CNTN6: variants seen among roughly 807,000 people sequenced by gnomAD.
CNTN6 encodes the protein contactin 6.
A neutral mutation model predicts 122.8 loss-of-function variants in CNTN6; 137 were observed. The observed-to-expected ratio is 1.12, with a 90% CI of 0.97 to 1.29. The LOEUF is 1.29. Ranked by LOEUF, CNTN6 falls within the 50% of genes most tolerant of loss-of-function variation. CNTN6 has a pLI of 0.00. For missense variants in CNTN6, 1,634 were observed against 1,223.4 expected (o/e 1.34, Z -5.01); for synonymous variants, 570 against 426.0 (o/e 1.34, Z -4.16).
chr3:1,357,216 A>AT lies in CNTN6; in HGVS notation c.1492+4766dup, dbSNP rs557197466. The stretch of plus-strand genomic sequence containing the variant: ...TTGGTCAAAGTTTTGTTTAATTTTG[A>AT]TAAAAATAGGGGGTGTATAGCTAGT... On this transcript the variant is annotated intron_variant, in intron 12 of 22. Transcript: ENST00000446702. 1.5e-3 allele frequency among the ~76,000 whole-genome samples: 225 copies of AT among 151,970 alleles called. 1 individual carries two copies. Among genetic ancestry groups the AT allele is most frequent in the Admixed American group, 3.9e-3 (60 of 15,194 alleles).
At chr3:1,180,070 T>A (rs929083909) in intron 2 of CNTN6, among the ~76,000 whole-genome samples, 1 of 152,222 alleles carries the variant, frequency 6.6e-6, no homozygotes, top group Non-Finnish European at 1.5e-5. Flanking sequence ...CAATTCTTTT[T>A]TAATGCTGAG....
At chr3:1,369,715 C>T (rs1053052715) in intron 12 of CNTN6, among the ~76,000 whole-genome samples, 1 of 151,802 alleles carries the variant, frequency 6.6e-6, no homozygotes, top group Non-Finnish European at 1.5e-5. Flanking sequence ...TTTGCTCTGT[C>T]AACACATCCA....
At chr3:1,367,860 C>A (rs1034074414) in intron 12 of CNTN6, among the ~76,000 whole-genome samples, 8 of 152,140 alleles carry the variant, frequency 5.3e-5, no homozygotes, top group African/African-American at 1.9e-4. Flanking sequence ...CAGGAAGCGA[C>A]TTCAAAAGTA....
intron 1 of CNTN6, among the ~76,000 whole-genome samples, chr3:1,111,970 T>C (rs1168767376): frequency 2.0e-5 from 3 of 152,150 alleles, no homozygotes; most frequent in South Asian, 2.1e-4. Context: ...ATATAACTTC[T>C]TTGAGCCAAA....
rs1296522584 is a variant in CNTN6 at position 1,354,355 on chromosome 3, A to G, written c.1492+1904A>G. Among the ~76,000 whole-genome samples, 36 of 140,890 alleles carry G rather than the reference A, an allele frequency of 2.6e-4. 1 individual carries two copies. In the Middle Eastern group the frequency reaches 0.011, roughly 42 times the overall value. The allele number at this position is 140,890 out of a possible 152,430, so 92.4% of individuals were successfully genotyped here. ...ATAGGTAAAACAATAATTAATCAAGATAGCTCAGTTAACAAAAAAAAAAAA... is the reference window on the plus strand; with the variant it reads ...ATAGGTAAAACAATAATTAATCAAGGTAGCTCAGTTAACAAAAAAAAAAAA... On this transcript the variant is annotated intron_variant, in intron 12 of 22. Coordinates refer to ENST00000446702, the MANE Select transcript of CNTN6 (RefSeq NM_001289080.2).
chr3:1,277,241 A>G (rs1423827664), intron 4 of CNTN6, among the ~76,000 whole-genome samples: 3 of 151,848 alleles, frequency 2.0e-5, no homozygotes, highest in South Asian at 2.1e-4. Context: ...TGGTCTTCCC[A>G]TTAGATAGTA....
chr3:1,154,178 A>C (rs2092908838), intron 2 of CNTN6, among the ~76,000 whole-genome samples: 2 of 149,028 alleles, frequency 1.3e-5, no homozygotes, highest in Admixed American at 1.3e-4. Context: ...TAGGACTGAT[A>C]AGAATGTAGG....
intron 3 of CNTN6, among the ~76,000 whole-genome samples, chr3:1,226,016 C>A (rs900078614): frequency 6.6e-6 from 1 of 152,008 alleles, no homozygotes; most frequent in Non-Finnish European, 1.5e-5. Context: ...TTTGAAGACG[C>A]GCCCGAAGAA....
At chr3:1,287,056 C>A (rs1191779613) in intron 5 of CNTN6, among the ~76,000 whole-genome samples, 2 of 152,080 alleles carry the variant, frequency 1.3e-5, no homozygotes, top group African/African-American at 4.8e-5. Context: ...TACAGGAGCA[C>A]CCAGATTCAT....
intron 2 of CNTN6, among the ~76,000 whole-genome samples, chr3:1,190,574 G>T (rs2093687493): frequency 6.6e-6 from 1 of 152,156 alleles, no homozygotes. Flanking sequence ...TATAAAATGG[G>T]TGCCTTGCAG....
chr3:1,103,220 T>C (rs2091043651), intron 1 of CNTN6, among the ~76,000 whole-genome samples: 1 of 152,250 alleles, frequency 6.6e-6, no homozygotes, highest in East Asian at 1.9e-4. Flanking sequence ...TGAAGGTGTT[T>C]TCTAGGCATT....
At chr3:1,215,970 T>C (rs146572635) in intron 2 of CNTN6, among the ~76,000 whole-genome samples, 73 of 152,238 alleles carry the variant, frequency 4.8e-4, no homozygotes, top group African/African-American at 1.7e-3. Context: ...CTCTCTATCC[T>C]AAGATTTCTT....
intron 4 of CNTN6, among the ~76,000 whole-genome samples, chr3:1,256,466 A>G (rs1481076922): frequency 6.6e-6 from 1 of 152,170 alleles, no homozygotes; most frequent in East Asian, 1.9e-4. Context: ...TTGATGAGGA[A>G]GACTTGAAGA....
intron 4 of CNTN6, among the ~76,000 whole-genome samples, chr3:1,231,821 T>C (rs555278643): frequency 1.3e-5 from 2 of 152,206 alleles, no homozygotes; most frequent in South Asian, 4.1e-4. Context: ...AACTCTACCC[T>C]AAAACAAATT....
chr3:1,357,892 TATA>T (rs1172886677), intron 12 of CNTN6, among the ~76,000 whole-genome samples: 2 of 140,426 alleles, frequency 1.4e-5, no homozygotes, highest in Admixed American at 7.5e-5. Flanking sequence ...AAAATTTACA[TATA>T]ATAAAATACA....
rs903760243 is a variant in CNTN6, at chr3:1,278,303, A to G, written c.359-110A>G. On this transcript the variant is annotated intron_variant, in intron 4 of 22. Transcript: ENST00000446702. The stretch of plus-strand genomic sequence containing the variant: ...TGTCAACTAAGTCTTCTGGTCAGCA[A>G]AGTATGAGATTAATTCCCCTTAATA... The G allele has an allele frequency of 2.9e-5, 20 of 701,250 alleles. No homozygotes were observed. The African/African-American group carries it at 3.2e-4, about 11-fold the overall frequency. 43.4% of individuals were successfully genotyped at this position (701,250 alleles called of 1,614,324 possible).
chr3:1,381,078 T>G (rs1691801109), intron 17 of CNTN6, among the ~76,000 whole-genome samples: 1 of 152,300 alleles, frequency 6.6e-6, no homozygotes, highest in East Asian at 1.9e-4. Context: ...ACTCAGGTCT[T>G]TCTTGAGAGA....
chr3:1,173,740 C>T (rs1448355072), intron 2 of CNTN6, among the ~76,000 whole-genome samples: 4 of 151,398 alleles, frequency 2.6e-5, no homozygotes, highest in Non-Finnish European at 5.9e-5. Flanking sequence ...ACAAAACCAT[C>T]TCTGGAACTG....
chr3:1,219,113 T>TA (rs1001942238), intron 2 of CNTN6, among the ~76,000 whole-genome samples: 2 of 152,188 alleles, frequency 1.3e-5, no homozygotes, highest in African/African-American at 4.8e-5. Context: ...AATATATGAA[T>TA]AAAAAGTTTA....
Sources: gnomAD v4.1 joint callset for allele counts (sites outside exome capture counted in the v4.1 genomes callset) on GRCh38, gnomAD v4.1.1 for gene constraint, MANE v1.5 for transcripts, NCBI Gene and HGNC (gene_info 2026-07-23, HGNC 2026-07-21) for gene names.